The following EIF4G3 variants were observed in gnomAD, a reference collection of about 807,000 sequenced individuals.
EIF4G3 encodes eIF-4-gamma 3.
EIF4G3 carries 34 observed loss-of-function variants against 186.4 expected under a neutral mutation model. That is an observed-to-expected ratio of 0.18 (90% CI 0.14 to 0.24). EIF4G3 has a LOEUF of 0.24. EIF4G3 is among the 10% of genes least tolerant of loss of function. EIF4G3 has a pLI of 1.00. For synonymous variants in EIF4G3, 673 were observed against 679.5 expected (o/e 0.99, Z 0.15); for missense variants, 1,536 against 1,948.5 (o/e 0.79, Z 3.99).
intron 5 of EIF4G3, among the ~76,000 whole-genome samples, chr1:21,002,334 T>A (rs2154568971): frequency 6.6e-6 from 1 of 152,322 alleles, no homozygotes; most frequent in Admixed American, 6.5e-5. Flanking sequence ...AGAATTTAAT[T>A]AGTGAAATTC....
chr1:21,122,361 A>C (rs758435014), intron 2 of EIF4G3, among the ~76,000 whole-genome samples: 13 of 152,332 alleles, frequency 8.5e-5, no homozygotes, highest in South Asian at 4.1e-4. Flanking sequence ...CAGAAGCAAG[A>C]AGTCAAATAA....
chr1:20,865,501 A>G (rs2077354736), intron 20 of EIF4G3, among the ~76,000 whole-genome samples: 1 of 152,118 alleles, frequency 6.6e-6, no homozygotes, highest in African/African-American at 2.4e-5. Flanking sequence ...GCTACTAGCT[A>G]ACATGGAAAC....
intron 27 of EIF4G3, 33 bp from the exon 28 acceptor site, chr1:20,851,511 AGACAAGCCCAT>A: frequency 6.2e-7 from 1 of 1,602,522 alleles, no homozygotes; most frequent in Non-Finnish European, 8.5e-7. Context: ...TTCAAAGGAA[AGACAAGCCCAT>A]GTCCCCCACA....
At chr1:20,986,361 C>G (rs1483213333) in intron 7 of EIF4G3, among the ~76,000 whole-genome samples, 1 of 152,170 alleles carries the variant, frequency 6.6e-6, no homozygotes, top group African/African-American at 2.4e-5. Flanking sequence ...CCTCTTTATA[C>G]ATAACCTGGC....
In EIF4G3 at chr1:20,851,319, T is replaced by C; in HGVS notation, c.3711A>G (p.Thr1237=). 1 of 1,614,128 alleles carries C rather than the reference T, an allele frequency of 6.2e-7. No homozygotes were observed. Residue 1237 remains threonine, a synonymous_variant, in exon 28 of 37, where the codon ACA becomes ACG. Coordinates refer to ENST00000602326, the MANE Select transcript of EIF4G3 (RefSeq NM_001391906.1). ...TGTTCCTCTCCACATCCACACCTCC[T>C]GTGAGCTGCTTCACGGTCTCCAGCA... ...REMLETVKQL[T]GGVDVERNST... is the part of the protein sequence containing the mutation.
At chr1:21,072,464 T>C (rs753745805) in intron 3 of EIF4G3, among the ~76,000 whole-genome samples, 7 of 152,128 alleles carry the variant, frequency 4.6e-5, no homozygotes, top group East Asian at 1.9e-4. Context: ...AGTGCAGTGG[T>C]GCTATCTCGG....
Position 20,857,420 on chromosome 1 carries a change from A to T in EIF4G3, c.3322T>A (p.Phe1108Ile), listed in dbSNP as rs1488266964. 1 of 1,613,958 alleles carries T rather than the reference A, an allele frequency of 6.2e-7. No individual in the cohort carries two copies. The highest frequency in any genetic ancestry group is 1.7e-5 in the Admixed American group (1 of 59,980). Residue 1108 changes from phenylalanine (F) to isoleucine (I), a missense_variant, in exon 25 of 37, where the codon TTC (phenylalanine) becomes ATC (isoleucine). By Grantham distance (21) the Phe-to-Ile change is conservative. This residue lies in a region of EIF4G3 where 110 missense variants were observed against 166.2 expected (regional missense o/e 0.66). Transcript: ENST00000602326. ...AGACTCACCTTAGTGATTTTTAGGA[A>T]TTTTGAGGGGTCCAGTACCCGACTG... is the stretch of plus-strand genomic sequence containing the variant. ...KNSRVLDPSK[F>I]LKITKPTIDE...
intron 10 of EIF4G3, among the ~76,000 whole-genome samples, chr1:20,978,759 T>G (rs1247896039): frequency 6.6e-6 from 1 of 151,970 alleles, no homozygotes. Context: ...TTGGAATGTA[T>G]TCCCTGAGGA....
chr1:21,141,224 A>G (rs990456437), intron 2 of EIF4G3, among the ~76,000 whole-genome samples: 5 of 152,158 alleles, frequency 3.3e-5, no homozygotes, highest in African/African-American at 4.8e-5. Flanking sequence ...ACCAACTCCA[A>G]CTGGGGCTCT....
intron 14 of EIF4G3, among the ~76,000 whole-genome samples, chr1:20,915,379 G>A (rs1475640933): frequency 6.6e-6 from 1 of 151,742 alleles, no homozygotes; most frequent in Non-Finnish European, 1.5e-5. Context: ...GGTCTGCGTC[G>A]TTACCCAGAT....
chr1:21,145,778 G>A (rs982175194), intron 2 of EIF4G3, among the ~76,000 whole-genome samples: 2 of 151,926 alleles, frequency 1.3e-5, no homozygotes, highest in African/African-American at 4.8e-5. Context: ...AATTCTCAAA[G>A]GCTAAAAATT....
At chr1:20,883,683 T>C (rs1413471218) in intron 19 of EIF4G3, among the ~76,000 whole-genome samples, 1 of 149,652 alleles carries the variant, frequency 6.7e-6, no homozygotes, top group Non-Finnish European at 1.5e-5. Context: ...CAGAAAGAGC[T>C]AGGTAAAGGG....
At chr1:21,147,768 C>T (rs1018929515) in intron 2 of EIF4G3, among the ~76,000 whole-genome samples, 2 of 152,050 alleles carry the variant, frequency 1.3e-5, no homozygotes, top group South Asian at 4.1e-4. Context: ...AAAAGAAATA[C>T]AAACTAAAAT....
intron 3 of EIF4G3, among the ~76,000 whole-genome samples, chr1:21,071,537 G>C (rs1314808412): frequency 6.6e-6 from 1 of 152,102 alleles, no homozygotes; most frequent in Non-Finnish European, 1.5e-5. Flanking sequence ...ACTGGCATTT[G>C]AAAAGCACTT....
intron 14 of EIF4G3, 57 bp downstream of exon 14, chr1:20,941,428 TAACTCA>T: frequency 1.2e-6 from 2 of 1,610,430 alleles, no homozygotes; most frequent in Non-Finnish European, 1.7e-6. Context: ...AATTAAAAAA[TAACTCA>T]AACACTGCCT....
At chr1:21,044,969 G>A (rs532605458) in intron 4 of EIF4G3, among the ~76,000 whole-genome samples, 36 of 151,962 alleles carry the variant, frequency 2.4e-4, no homozygotes, top group Non-Finnish European at 4.9e-4. Context: ...TCCCATCTCT[G>A]CAAAAAATTA....
At chr1:21,111,435 C>T in intron 2 of EIF4G3, 1 of 467,656 alleles carries the variant, frequency 2.1e-6, no homozygotes, top group South Asian at 1.6e-5. Flanking sequence ...ACATACTAAG[C>T]AGTATTTCAT....
chr1:21,038,317 T>A (rs1342975768), intron 4 of EIF4G3, among the ~76,000 whole-genome samples: 1 of 152,194 alleles, frequency 6.6e-6, no homozygotes, highest in Non-Finnish European at 1.5e-5. Context: ...AGTGTACTGA[T>A]AAAGAGATGC....
At chr1:21,144,554 G>C (rs1013957507) in intron 2 of EIF4G3, among the ~76,000 whole-genome samples, 1 of 151,898 alleles carries the variant, frequency 6.6e-6, no homozygotes, top group African/African-American at 2.4e-5. Flanking sequence ...ACTGGTTCCT[G>C]ACCCTGCTTC....
Sources: gnomAD v4.1 joint callset for allele counts (sites outside exome capture counted in the v4.1 genomes callset) on GRCh38, gnomAD v4.1.1 for gene constraint, gnomAD v4.1.1 regional missense constraint, MANE v1.5 for transcripts, NCBI Gene and HGNC (gene_info 2026-07-23, HGNC 2026-07-21) for gene names.